Variants in SLC24A2 observed in about 807,000 individuals in gnomAD.
SLC24A2 encodes sodium/potassium/calcium exchanger 2.
In SLC24A2, 36 loss-of-function variants were observed where a neutral mutation model predicts 62.0. The observed-to-expected ratio is 0.58, with a 90% CI of 0.44 to 0.77. The LOEUF is 0.77. SLC24A2 is among the 30% of genes least tolerant of loss of function. SLC24A2 has a pLI of 0.00. For synonymous variants in SLC24A2, 358 were observed against 294.0 expected, an observed-to-expected ratio of 1.22 and a Z score of -2.23; for missense variants, 846 against 817.9, an observed-to-expected ratio of 1.03 and a Z score of -0.42.
chr9:20,150,614 A>T, the SLC24A2 span, among the ~76,000 whole-genome samples: 1 of 137,028 alleles, frequency 7.3e-6, no homozygotes, highest in Non-Finnish European at 1.5e-5. Flanking sequence ...TAGCCTAAAA[A>T]TATAGTCAAG....
At chr9:19,647,248 C>A (rs1818670168) in intron 2 of SLC24A2, among the ~76,000 whole-genome samples, 1 of 140,654 alleles carries the variant, frequency 7.1e-6, no homozygotes. Flanking sequence ...AGAAACTAAG[C>A]ATTTATTAAA....
chr9:20,260,726 T>C, the SLC24A2 span, among the ~76,000 whole-genome samples: 1 of 152,130 alleles, frequency 6.6e-6, no homozygotes, highest in African/African-American at 2.4e-5. Context: ...TTAGCAGTGA[T>C]TGCTGAGCTT....
intron 4 of SLC24A2, among the ~76,000 whole-genome samples, chr9:19,598,067 G>T (rs946412986): frequency 6.6e-6 from 1 of 152,130 alleles, no homozygotes; most frequent in Non-Finnish European, 1.5e-5. Context: ...TGGTGGGAGT[G>T]GCAGCTGCAG....
the SLC24A2 span, among the ~76,000 whole-genome samples, chr9:20,067,678 C>T: frequency 2.0e-5 from 3 of 152,148 alleles, no homozygotes; most frequent in African/African-American, 7.2e-5. Context: ...AGGTTTATGG[C>T]CTCCAGCTTT....
the SLC24A2 span, among the ~76,000 whole-genome samples, chr9:20,251,374 C>A: frequency 4.7e-5 from 7 of 150,056 alleles, no homozygotes; most frequent in South Asian, 6.5e-4. Context: ...GCAAACATTT[C>A]AAACGAGTAA....
At position 19,534,843 on chromosome 9, in the gene SLC24A2, G is replaced by T. The variant is rs1833880039; in HGVS notation, c.1480-6705C>A. Among the ~76,000 whole-genome samples the T allele has an allele frequency of 1.3e-5, 2 of 152,140 alleles. 1 individual carries two copies. Among genetic ancestry groups the T allele is most frequent in the South Asian group, 4.1e-4 (2 of 4,832 alleles). ...TATGTGTACATGTGTCTTTATAGTA[G>T]AATGATTTATAATCCTTTGGGTATA... On this transcript the variant is annotated intron_variant, in intron 8 of 10. Coordinates refer to ENST00000341998, the MANE Select transcript of SLC24A2 (RefSeq NM_020344.4).
At chr9:20,112,683 G>A in the SLC24A2 span, among the ~76,000 whole-genome samples, 1 of 152,236 alleles carries the variant, frequency 6.6e-6, no homozygotes, top group East Asian at 1.9e-4. Context: ...TAGGGTCTGT[G>A]TCAGCCCTTT....
At chr9:19,841,606 G>A in the SLC24A2 span, among the ~76,000 whole-genome samples, 1 of 152,152 alleles carries the variant, frequency 6.6e-6, no homozygotes, top group Admixed American at 6.5e-5. Context: ...TTTGAAATTG[G>A]ATCTGTGCCC....
At chr9:20,269,872 T>TTGC in the SLC24A2 span, among the ~76,000 whole-genome samples, 5 of 152,194 alleles carry the variant, frequency 3.3e-5, no homozygotes, top group African/African-American at 1.2e-4. Context: ...CTGTTTTGTG[T>TTGC]TGCTATAACA....
chr9:20,047,349 A>T, the SLC24A2 span, among the ~76,000 whole-genome samples: 2 of 151,968 alleles, frequency 1.3e-5, no homozygotes, highest in Non-Finnish European at 2.9e-5. Context: ...CATAACATTC[A>T]ATAAGATAAT....
At chr9:19,819,481 G>C in the SLC24A2 span, among the ~76,000 whole-genome samples, 2 of 151,824 alleles carry the variant, frequency 1.3e-5, no homozygotes, top group Non-Finnish European at 2.9e-5. Flanking sequence ...AATCTATGAC[G>C]AACTCAAACA....
At chr9:19,671,305 T>A (rs933118580) in intron 2 of SLC24A2, among the ~76,000 whole-genome samples, 1 of 151,064 alleles carries the variant, frequency 6.6e-6, no homozygotes, top group African/African-American at 2.4e-5. Flanking sequence ...TTATTATTAT[T>A]TTTTGCAGCT....
intron 2 of SLC24A2, among the ~76,000 whole-genome samples, chr9:19,766,987 C>T (rs140637795): frequency 9.2e-5 from 14 of 152,312 alleles, no homozygotes; most frequent in African/African-American, 3.4e-4. Flanking sequence ...CAGTGATGCC[C>T]TGCCCAGAGA....
chr9:20,118,784 G>A, the SLC24A2 span, among the ~76,000 whole-genome samples: 1 of 152,134 alleles, frequency 6.6e-6, no homozygotes, highest in East Asian at 1.9e-4. Context: ...CATAGATGCT[G>A]TGGTAAACAA....
At chr9:19,747,599 C>T (rs1341928776) in intron 2 of SLC24A2, among the ~76,000 whole-genome samples, 3 of 152,158 alleles carry the variant, frequency 2.0e-5, no homozygotes, top group African/African-American at 4.8e-5. Context: ...TATCACTTTG[C>T]CTTTCAAGAG....
chr9:19,740,784 T>C (rs1386663379), intron 2 of SLC24A2, among the ~76,000 whole-genome samples: 1 of 151,976 alleles, frequency 6.6e-6, no homozygotes, highest in African/African-American at 2.4e-5. Context: ...CTTACAATTG[T>C]TATTGCTGGG....
At chr9:19,996,981 AAG>A in the SLC24A2 span, among the ~76,000 whole-genome samples, 1 of 152,170 alleles carries the variant, frequency 6.6e-6, no homozygotes, top group Middle Eastern at 3.4e-3. Flanking sequence ...AACAAGACAA[AAG>A]AGAGGGAGAC....
At chr9:20,123,151 C>A in the SLC24A2 span, among the ~76,000 whole-genome samples, 1 of 152,056 alleles carries the variant, frequency 6.6e-6, no homozygotes, top group Admixed American at 6.6e-5. Flanking sequence ...GTGAAGACCT[C>A]CTGTCTGGTC....
chr9:20,178,525 T>C, the SLC24A2 span, among the ~76,000 whole-genome samples: 2 of 152,136 alleles, frequency 1.3e-5, no homozygotes, highest in African/African-American at 4.8e-5. Context: ...ATGAGACAAA[T>C]GCTAGCTGTG....
Sources: gnomAD v4.1 joint callset for allele counts (sites outside exome capture counted in the v4.1 genomes callset) on GRCh38, gnomAD v4.1.1 for gene constraint, MANE v1.5 for transcripts, NCBI Gene and HGNC (gene_info 2026-07-23, HGNC 2026-07-21) for gene names.